The following CCSER1 variants were observed in gnomAD, a reference collection of about 807,000 sequenced individuals.
CCSER1 encodes coiled-coil serine rich protein 1.
CCSER1 carries 41 observed loss-of-function variants against 82.0 expected under a neutral mutation model. The observed-to-expected ratio is 0.50, with a 90% confidence interval of 0.39 to 0.65. The LOEUF (loss-of-function observed/expected upper bound fraction) is 0.65, where lower values mean the gene tolerates loss of function less well. CCSER1 is among the 30% of genes least tolerant of loss of function. The pLI, the probability that CCSER1 is intolerant of heterozygous loss-of-function variation, is 0.00. For synonymous variants in CCSER1, 414 were observed against 383.9 expected, an observed-to-expected ratio of 1.08 and a Z score of -0.92; for missense variants, 1,119 against 1,064.2, an observed-to-expected ratio of 1.05 and a Z score of -0.72.
At chr4:91,531,671 C>T (rs536311694) in intron 10 of CCSER1, among the ~76,000 whole-genome samples, 17 of 152,190 alleles carry the variant, frequency 1.1e-4, no homozygotes, top group African/African-American at 3.9e-4. Context: ...ACTGGGAAGT[C>T]CAAGATCAAA....
intron 4 of CCSER1, among the ~76,000 whole-genome samples, chr4:90,456,907 G>A (rs1358745380): frequency 2.0e-5 from 3 of 152,196 alleles, no homozygotes; most frequent in East Asian, 3.9e-4. Flanking sequence ...GGCTGGTGGT[G>A]CCTTTGCCCA....
intron 3 of CCSER1, among the ~76,000 whole-genome samples, chr4:90,386,314 A>G (rs986904095): frequency 2.6e-4 from 40 of 152,300 alleles, no homozygotes; most frequent in African/African-American, 9.4e-4. Flanking sequence ...ACGTACACAA[A>G]TTGAACAGAA....
chr4:90,528,358 C>T (rs1444227426), intron 5 of CCSER1, among the ~76,000 whole-genome samples: 1 of 152,114 alleles, frequency 6.6e-6, no homozygotes, highest in Non-Finnish European at 1.5e-5. Flanking sequence ...TTTTTCTTTG[C>T]TGCCCCATCT....
chr4:91,315,550 T>C (rs1021020573), intron 10 of CCSER1, among the ~76,000 whole-genome samples: 2 of 152,050 alleles, frequency 1.3e-5, no homozygotes, highest in African/African-American at 4.8e-5. Flanking sequence ...GGCAAGGCAC[T>C]GTTCTATGTT....
intron 10 of CCSER1, among the ~76,000 whole-genome samples, chr4:91,257,577 G>T (rs1335402928): frequency 2.0e-5 from 3 of 151,376 alleles, no homozygotes; most frequent in East Asian, 3.9e-4. Flanking sequence ...CGTTTAAATG[G>T]CTTCTTAAAA....
intron 5 of CCSER1, among the ~76,000 whole-genome samples, chr4:90,544,836 T>C (rs1776565754): frequency 6.6e-6 from 1 of 152,102 alleles, no homozygotes; most frequent in South Asian, 2.1e-4. Flanking sequence ...AGACAAGACA[T>C]GAATTTGGGC....
chr4:91,084,293 CAGAAG>C (rs1417047859), intron 9 of CCSER1, among the ~76,000 whole-genome samples: 1 of 152,094 alleles, frequency 6.6e-6, no homozygotes, highest in Non-Finnish European at 1.5e-5. Flanking sequence ...TGAGAGGAGG[CAGAAG>C]AGAAGACAGT....
chr4:90,987,572 T>C (rs1328527516), intron 9 of CCSER1, among the ~76,000 whole-genome samples: 1 of 151,752 alleles, frequency 6.6e-6, no homozygotes, highest in African/African-American at 2.4e-5. Flanking sequence ...CACCCATTCA[T>C]ATTCAGGACT....
chr4:90,274,702 G>A (rs1036571013), intron 1 of CCSER1, among the ~76,000 whole-genome samples: 9 of 151,470 alleles, frequency 5.9e-5, no homozygotes, highest in African/African-American at 1.9e-4. Flanking sequence ...TGCAAAATTT[G>A]CACTTGACCA....
At chr4:90,415,848 G>T (rs913138016) in intron 4 of CCSER1, among the ~76,000 whole-genome samples, 2 of 152,194 alleles carry the variant, frequency 1.3e-5, no homozygotes. Flanking sequence ...GTTAAAAGAG[G>T]GCTAAAACAC....
intron 10 of CCSER1, among the ~76,000 whole-genome samples, chr4:91,271,713 A>G (rs1184616190): frequency 3.9e-5 from 6 of 152,104 alleles, no homozygotes; most frequent in Non-Finnish European, 8.8e-5. Context: ...ATACATATAT[A>G]CATACACATA....
At chr4:90,314,470 C>G (rs930832962) in intron 3 of CCSER1, among the ~76,000 whole-genome samples, 3 of 152,166 alleles carry the variant, frequency 2.0e-5, no homozygotes, top group Admixed American at 1.3e-4. Context: ...CACTATTCAA[C>G]TTGCTCAAAG....
At chr4:91,464,694 GA>G (rs1362237928) in intron 10 of CCSER1, among the ~76,000 whole-genome samples, 1 of 152,136 alleles carries the variant, frequency 6.6e-6, no homozygotes, top group Non-Finnish European at 1.5e-5. Flanking sequence ...AAAATGGCAG[GA>G]CTTGCAATCC....
At chr4:91,268,568 G>GAC (rs1439868502) in intron 10 of CCSER1, among the ~76,000 whole-genome samples, 1 of 152,140 alleles carries the variant, frequency 6.6e-6, no homozygotes, top group Admixed American at 6.5e-5. Context: ...TCCCAGTGAA[G>GAC]ACACCACCAA....
rs535367712 is a variant in CCSER1 at position 91,589,048 on chromosome 4, G to C, written c.2218-9524G>C. Among the ~76,000 whole-genome samples the C allele has an allele frequency of 2.0e-5, 3 of 151,844 alleles. No homozygotes were observed. In the South Asian group the frequency reaches 6.2e-4, roughly 32 times the overall value. On this transcript the variant is annotated intron_variant, in intron 10 of 10. Coordinates refer to ENST00000509176, the MANE Select transcript of CCSER1 (RefSeq NM_001145065.2). ...TGTACTATCCTCCAAAATTTGCTAT[G>C]TATTTAGTAATATATTGACTTTATC...
At chr4:91,338,935 G>A (rs1747513808) in intron 10 of CCSER1, among the ~76,000 whole-genome samples, 1 of 152,064 alleles carries the variant, frequency 6.6e-6, no homozygotes, top group African/African-American at 2.4e-5. Context: ...AGGCAGTTTG[G>A]CCAAAGATAC....
At chr4:90,490,207 T>C (rs986623379) in intron 5 of CCSER1, among the ~76,000 whole-genome samples, 10 of 152,246 alleles carry the variant, frequency 6.6e-5, no homozygotes, top group Non-Finnish European at 1.5e-4. Flanking sequence ...TTTTAATGAT[T>C]GCCATTCTAA....
intron 7 of CCSER1, among the ~76,000 whole-genome samples, chr4:90,743,987 CT>C (rs1471577709): frequency 1.3e-5 from 2 of 152,156 alleles, no homozygotes; most frequent in African/African-American, 2.4e-5. Context: ...ATTTCTGCTA[CT>C]TTCTTGAATG....
chr4:90,468,038 A>G (rs1263654621), intron 4 of CCSER1, among the ~76,000 whole-genome samples, 196 bp from the exon 5 acceptor site: 2 of 152,242 alleles, frequency 1.3e-5, no homozygotes, highest in African/African-American at 2.4e-5. Context: ...GGATTTAAAA[A>G]AGAAAAATTG....
Sources: gnomAD v4.1 joint callset for allele counts (sites outside exome capture counted in the v4.1 genomes callset) on GRCh38, gnomAD v4.1.1 for gene constraint, MANE v1.5 for transcripts, NCBI Gene and HGNC (gene_info 2026-07-23, HGNC 2026-07-21) for gene names.